RRP36: variants seen among roughly 807,000 people sequenced by gnomAD.
RRP36 encodes ribosomal RNA processing 36, also known as ribosomal RNA processing protein 36 homolog.
RRP36 carries 44 observed loss-of-function variants against 39.8 expected under a neutral mutation model. That is an observed-to-expected ratio of 1.10 (90% CI 0.87 to 1.42). RRP36 has a LOEUF of 1.42. RRP36 is among the 40% of genes most tolerant of loss of function. The pLI, the probability that RRP36 is intolerant of heterozygous loss-of-function variation, is 0.00. For synonymous variants in RRP36, 124 were observed against 123.1 expected (o/e 1.01, Z -0.05); for missense variants, 316 against 322.4 (o/e 0.98, Z 0.15).
chr6:43,029,040 G>C (rs992223900), intron 6 of RRP36, 52 bp from the exon 7 acceptor site: 1 of 1,608,788 alleles, frequency 6.2e-7, no homozygotes, highest in African/African-American at 1.3e-5. Context: ...GTTTGGGAAA[G>C]AATAGGGGCT....
intron 6 of RRP36, 105 bp downstream of exon 6, chr6:43,027,582 G>C (rs1394316268): frequency 1.1e-6 from 1 of 897,798 alleles, no homozygotes; most frequent in East Asian, 2.4e-5. Flanking sequence ...AGGCATGAAG[G>C]CTGGATCCCA....
In RRP36 at chr6:43,021,652, C is replaced by T. The variant is rs780379685; in HGVS notation, c.-3C>T. The T allele has an allele frequency of 3.9e-6, 5 of 1,284,060 alleles. No homozygotes were observed. The highest frequency in any genetic ancestry group is 2.9e-5 in the East Asian group (1 of 34,620). 79.5% of individuals were successfully genotyped at this position (1,284,060 alleles called of 1,614,324 possible). ...TTCGTCTTCCGAGCGCTACTGCCAGCTGATGCCGGGAGCTAACTACCGCGC... is the reference window on the plus strand; with the variant it reads ...TTCGTCTTCCGAGCGCTACTGCCAGTTGATGCCGGGAGCTAACTACCGCGC... On this transcript the variant is annotated 5_prime_UTR_variant, in exon 1 of 7. Transcript: ENST00000244496.
intron 3 of RRP36, 118 bp from the exon 4 acceptor site, chr6:43,025,919 C>T (rs941620489): frequency 2.7e-5 from 18 of 656,682 alleles, no homozygotes; most frequent in African/African-American, 5.5e-5. Flanking sequence ...GGCGACAGAG[C>T]GAGACTGTGT....
At position 43,029,005 on chromosome 6, in the gene RRP36, A is replaced by G. The variant is rs556030359; in HGVS notation, c.644-87A>G. 5.2e-6 allele frequency: 8 copies of G among 1,547,006 alleles called. No individual in the cohort carries two copies. In the East Asian group the frequency reaches 1.8e-4, roughly 35 times the overall value. ...GCTTTAAAGAACTCATGTATCCAGC[A>G]TAATGGCTTGGAGTTACTGACCTGG... On this transcript the variant is annotated intron_variant, in intron 6 of 6. Coordinates refer to ENST00000244496, the MANE Select transcript of RRP36 (RefSeq NM_033112.4).
intron 6 of RRP36, among the ~76,000 whole-genome samples, chr6:43,027,759 CACT>C (rs1762841982): frequency 1.2e-5 from 1 of 83,088 alleles, no homozygotes; most frequent in Non-Finnish European, 2.1e-5. Flanking sequence ...TCTTGGTCTA[CACT>C]ACACACACAC....
chr6:43,028,907 C>T (rs533960548), intron 6 of RRP36, among the ~76,000 whole-genome samples, 185 bp from the exon 7 acceptor site: 3 of 152,160 alleles, frequency 2.0e-5, no homozygotes, highest in East Asian at 1.9e-4. Context: ...GAGCCGAGAT[C>T]GCGTCACTGC....
rs922396230 is a variant in RRP36 at position 43,029,384 on chromosome 6, A to G, written c.*156A>G. ...ACTAGAGGGCTCTTGGACTATCCCT[A>G]GGGCTACACAAGAATAGTTCAGCCT... On this transcript the variant is annotated 3_prime_UTR_variant, in exon 7 of 7. Transcript: ENST00000244496. 2 of 752,710 alleles carry G rather than the reference A, an allele frequency of 2.7e-6. No homozygotes were observed. The highest frequency in any genetic ancestry group is 4.2e-6 in the Non-Finnish European group (2 of 480,472). The allele number at this position is 752,710 out of a possible 1,614,324, so 46.6% of individuals were successfully genotyped here. A position where few individuals can be genotyped will look rare whatever the true frequency, so the allele number is the denominator to read the frequency against.
rs142677240 is a variant in RRP36 at position 43,029,181 on chromosome 6, C to T, written c.733C>T (p.Arg245Ter). 7.4e-5 allele frequency: 119 copies of T among 1,614,072 alleles called. No homozygotes were observed. Among genetic ancestry groups the T allele is most frequent in the Non-Finnish European group, 9.7e-5 (115 of 1,180,044 alleles). Reference sequence around the variant, plus strand: ...GAACTTCTTGAGTCGAAAGAGGCGACGAAATGCAGGCAAGGACAGGAGACA... The same window carrying T: ...GAACTTCTTGAGTCGAAAGAGGCGATGAAATGCAGGCAAGGACAGGAGACA... ...LENFLSRKRR[R>*]NAGKDRRHLP... Residue 245 changes from arginine to a stop codon, truncating the protein, a stop_gained, in exon 7 of 7, where the codon CGA (arginine) becomes TGA (stop). Coordinates refer to ENST00000244496, the MANE Select transcript of RRP36 (RefSeq NM_033112.4). LOFTEE classifies it high-confidence loss of function.
At chr6:43,025,182 G>A (rs370615233) in intron 2 of RRP36, 50 bp downstream of exon 2, 1 of 1,612,912 alleles carries the variant, frequency 6.2e-7, no homozygotes, top group Admixed American at 1.7e-5. Flanking sequence ...ACCTTGAATA[G>A]GTATGTTGTC....
chr6:43,026,675 C>G (rs1305490961), intron 4 of RRP36, among the ~76,000 whole-genome samples: 3 of 145,260 alleles, frequency 2.1e-5, no homozygotes, highest in African/African-American at 7.4e-5. Context: ...TGTCTCCAAA[C>G]AAACAGTTAC....
intron 3 of RRP36, among the ~76,000 whole-genome samples, chr6:43,025,754 AC>A (rs1762801999): frequency 6.6e-6 from 1 of 151,744 alleles, no homozygotes. Flanking sequence ...ACACAGTGAA[AC>A]CCCGTCTCTA....
intron 1 of RRP36, among the ~76,000 whole-genome samples, chr6:43,023,646 C>T (rs556486797): frequency 1.4e-5 from 2 of 147,824 alleles, no homozygotes; most frequent in African/African-American, 5.0e-5. Context: ...GAGCCGAGAT[C>T]GCGCCACTGC....
In RRP36 at chr6:43,029,119, AG is replaced by A; in HGVS notation, c.672del (p.Lys225SerfsTer5). ...GAGCAGCGCCAGTTGGCACTAGCTG[AG>A]AAGTTCAAGGAGCTGAAACGCAGCA... Reference protein sequence around the residue: ...KSEQRQLALAEKFKELKRSKK... With the variant: ...KSEQRQLALAXKFKELKRSKK... On this transcript the variant is annotated frameshift_variant, in exon 7 of 7. Coordinates refer to ENST00000244496, the MANE Select transcript of RRP36 (RefSeq NM_033112.4). LOFTEE classifies it high-confidence loss of function. The A allele has an allele frequency of 6.2e-7, 1 of 1,614,226 alleles. No individual in the cohort carries two copies. The highest frequency in any genetic ancestry group is 8.5e-7 in the Non-Finnish European group (1 of 1,180,038).
At position 43,025,761 on chromosome 6, in the gene RRP36, CT is replaced by C. The variant is rs1561863088; in HGVS notation, c.346-275del. ...CCTAGCTAACACAGTGAAACCCCGT[CT>C]CTACTAAAAATACAAAAAAAAATAG... On this transcript the variant is annotated intron_variant, in intron 3 of 6. Transcript: ENST00000244496. Among the ~76,000 whole-genome samples the C allele has an allele frequency of 7.2e-5, 11 of 151,810 alleles. No homozygotes were observed. In the South Asian group the frequency reaches 2.3e-3, roughly 31 times the overall value.
chr6:43,025,801 C>T (rs1228979952), intron 3 of RRP36, among the ~76,000 whole-genome samples: 2 of 151,370 alleles, frequency 1.3e-5, no homozygotes, highest in Non-Finnish European at 2.9e-5. Context: ...GGCGTGGTGG[C>T]GGGTGCCTGT....
At chr6:43,027,806 GAGTC>G (rs768423259) in intron 6 of RRP36, among the ~76,000 whole-genome samples, 17 of 118,446 alleles carry the variant, frequency 1.4e-4, no homozygotes, top group Admixed American at 9.0e-4. Flanking sequence ...CACAAACACA[GAGTC>G]AGTTTTATCT....
At chr6:43,024,162 G>A (rs865900894) in intron 1 of RRP36, among the ~76,000 whole-genome samples, 6 of 151,972 alleles carry the variant, frequency 3.9e-5, no homozygotes, top group Admixed American at 2.6e-4. Flanking sequence ...ACGAGGGGTC[G>A]CAATTTTAAA....
chr6:43,024,854 C>T (rs1223379429), intron 1 of RRP36, 131 bp from the exon 2 acceptor site: 1 of 1,115,572 alleles, frequency 9.0e-7, no homozygotes, highest in Non-Finnish European at 1.3e-6. Context: ...GCCTCTGCTG[C>T]CTAGGACTTC....
intron 6 of RRP36, among the ~76,000 whole-genome samples, chr6:43,028,010 G>T (rs1021138503): frequency 6.6e-6 from 1 of 152,124 alleles, no homozygotes; most frequent in Non-Finnish European, 1.5e-5. Flanking sequence ...TGGTTGAATT[G>T]AGTAGTACTG....
Sources: allele counts gnomAD v4.1 joint callset (sites outside exome capture counted in the v4.1 genomes callset), GRCh38; gene constraint gnomAD v4.1.1; transcripts MANE v1.5; gene names NCBI Gene and HGNC (gene_info 2026-07-23, HGNC 2026-07-21).